ADGRG2: variants seen among roughly 807,000 people sequenced by gnomAD.
ADGRG2 encodes adhesion G protein-coupled receptor G2, also known as G protein-coupled receptor 64.
Under a neutral mutation model 74.1 loss-of-function variants are expected in ADGRG2, and 26 were observed. The ratio of observed to expected loss-of-function variants is 0.35; its 90% CI spans 0.26 to 0.49. The LOEUF (loss-of-function observed/expected upper bound fraction) is 0.49. Ranked by LOEUF, ADGRG2 falls within the 20% of genes least tolerant of loss-of-function variation. The pLI is 0.99. For missense variants in ADGRG2, 619 were observed against 763.1 expected, an observed-to-expected ratio of 0.81 and a Z score of 2.22; for synonymous variants, 296 against 295.2, an observed-to-expected ratio of 1.00 and a Z score of -0.03.
intron 1 of ADGRG2, among the ~76,000 whole-genome samples, chrX:19,085,475 C>T (rs180915386): frequency 7.2e-5 from 8 of 110,863 alleles, no homozygotes; most frequent in African/African-American, 2.6e-4. Context: ...ACTACAGTCA[C>T]GTGCAACCAT....
At chrX:19,019,548 A>ATT (rs372068061) in intron 15 of ADGRG2, 51 bp downstream of exon 15, 1,943 of 522,694 alleles carry the variant, frequency 3.7e-3, no homozygotes, top group South Asian at 4.3e-3. Flanking sequence ...TAGCATGGTG[A>ATT]TTTTTTTTTT....
intron 18 of ADGRG2, among the ~76,000 whole-genome samples, chrX:19,008,675 G>GA (rs890606845): frequency 3.7e-5 from 4 of 108,998 alleles, no homozygotes; most frequent in African/African-American, 1.3e-4. Flanking sequence ...CAAAAAAAAA[G>GA]AAAAAAAAGG....
At chrX:19,099,046 T>C (rs968106860) in intron 1 of ADGRG2, among the ~76,000 whole-genome samples, 6 of 111,485 alleles carry the variant, frequency 5.4e-5, no homozygotes, top group Non-Finnish European at 1.9e-5. Context: ...TAGCCAGGCG[T>C]GGTAGCAGGC....
At chrX:19,090,006 C>A (rs1383283462) in intron 1 of ADGRG2, among the ~76,000 whole-genome samples, 1 of 112,217 alleles carries the variant, frequency 8.9e-6, no homozygotes, top group African/African-American at 3.2e-5. Context: ...TTATTTCTCT[C>A]CACTCATCTT....
At chrX:19,013,353 C>G (rs1195868438) in intron 16 of ADGRG2, among the ~76,000 whole-genome samples, 1 of 112,069 alleles carries the variant, frequency 8.9e-6, no homozygotes, top group East Asian at 2.8e-4. Context: ...CCCTTTAGAG[C>G]TATTTCTCCA....
intron 3 of ADGRG2, 56 bp from the exon 4 acceptor site, chrX:19,040,280 A>C: frequency 1.3e-6 from 1 of 789,529 alleles, no homozygotes; most frequent in Admixed American, 2.4e-5. Flanking sequence ...AAATCAATAA[A>C]ATTGTACTAT....
chrX:18,998,146 G>T (rs2060052596), intron 26 of ADGRG2, among the ~76,000 whole-genome samples: 1 of 111,805 alleles, frequency 8.9e-6, no homozygotes, highest in South Asian at 3.7e-4. Context: ...GAGTGTCCCA[G>T]GGCAGCAACT....
chrX:19,015,839 C>T (rs2060457381), intron 15 of ADGRG2, among the ~76,000 whole-genome samples: 1 of 112,490 alleles, frequency 8.9e-6, no homozygotes, highest in Non-Finnish European at 1.9e-5. Context: ...TGTAGCAACC[C>T]ACCTGGCCAA....
At chrX:19,108,546 G>C (rs369019384) in intron 1 of ADGRG2, among the ~76,000 whole-genome samples, 9 of 112,327 alleles carry the variant, frequency 8.0e-5, no homozygotes, top group East Asian at 2.8e-4. Context: ...GCAGTAGAAA[G>C]GATAAACCAT....
chrX:19,039,239 A>G (rs1227743377), intron 4 of ADGRG2: 2 of 331,310 alleles, frequency 6.0e-6, no homozygotes, highest in Admixed American at 3.1e-5. Flanking sequence ...GAATGTGTGA[A>G]CACGAGCATG....
At chrX:19,034,946 AT>A (rs1262494634) in intron 7 of ADGRG2, 2 of 111,562 alleles carry the variant, frequency 1.8e-5, no homozygotes, top group Non-Finnish European at 3.8e-5. Context: ...AAAAAAAAAA[AT>A]CTTTTAAATA....
intron 2 of ADGRG2, among the ~76,000 whole-genome samples, chrX:19,074,403 C>CCTCCTGAG (rs1348875401): frequency 1.9e-5 from 2 of 107,778 alleles, no homozygotes; most frequent in Non-Finnish European, 3.8e-5. Flanking sequence ...CCATGCCTGG[C>CCTCCTGAG]TAATTTTTTT....
intron 26 of ADGRG2, among the ~76,000 whole-genome samples, chrX:18,996,750 C>T (rs1426089934): frequency 2.7e-5 from 3 of 110,822 alleles, no homozygotes; most frequent in African/African-American, 9.9e-5. Flanking sequence ...CCTGGGACTC[C>T]ACCTCTCACC....
chrX:19,042,479 A>G (rs1278246408), intron 3 of ADGRG2, among the ~76,000 whole-genome samples: 2 of 111,211 alleles, frequency 1.8e-5, no homozygotes, highest in Non-Finnish European at 3.8e-5. Flanking sequence ...CATAGTTCCA[A>G]CCTTCTCCAC....
intron 20 of ADGRG2, among the ~76,000 whole-genome samples, chrX:19,006,661 G>C (rs1300731988): frequency 9.1e-6 from 1 of 109,847 alleles, no homozygotes. Context: ...AATCAGACCT[G>C]CAGCCACAGA....
intron 3 of ADGRG2, among the ~76,000 whole-genome samples, chrX:19,048,535 C>T (rs1386565413): frequency 8.9e-6 from 1 of 111,935 alleles, no homozygotes; most frequent in Non-Finnish European, 1.9e-5. Flanking sequence ...TCATCTTGGG[C>T]TGTGGGCTGA....
At chrX:19,015,626 G>A (rs1004464910) in intron 15 of ADGRG2, among the ~76,000 whole-genome samples, 8 of 112,324 alleles carry the variant, frequency 7.1e-5, no homozygotes, top group African/African-American at 2.6e-4. Flanking sequence ...GGCTGAGGCA[G>A]GGGAATCACT....
intron 1 of ADGRG2, among the ~76,000 whole-genome samples, chrX:19,093,938 C>CACACAA (rs201404102): frequency 4.7e-5 from 5 of 107,193 alleles, no homozygotes; most frequent in African/African-American, 1.8e-4. Context: ...CACACACACA[C>CACACAA]CCCATGGAAT....
intron 1 of ADGRG2, among the ~76,000 whole-genome samples, chrX:19,121,347 C>G (rs141184608): frequency 1.4e-3 from 160 of 111,723 alleles, no homozygotes; most frequent in African/African-American, 4.9e-3. Flanking sequence ...CATTTGCATG[C>G]CTTTTCTCCA....
Sources: allele counts gnomAD v4.1 joint callset (sites outside exome capture counted in the v4.1 genomes callset), GRCh38; gene constraint gnomAD v4.1.1; transcripts MANE v1.5; gene names NCBI Gene and HGNC (gene_info 2026-07-23, HGNC 2026-07-21).